The following TRDN variants were observed in gnomAD, a reference collection of about 807,000 sequenced individuals.
The protein encoded by TRDN is triadin in skeletal muscle.
TRDN carries 161 observed loss-of-function variants against 149.7 expected under a neutral mutation model. The observed-to-expected ratio is 1.08, with a 90% CI of 0.95 to 1.23. The LOEUF (loss-of-function observed/expected upper bound fraction) is 1.23, where lower values mean the gene tolerates loss of function less well. Ranked by LOEUF, TRDN falls within the 50% of genes most tolerant of loss-of-function variation. TRDN has a pLI of 0.00. For synonymous variants in TRDN, 294 were observed against 250.5 expected (o/e 1.17, Z -1.64); for missense variants, 896 against 823.5 (o/e 1.09, Z -1.08).
chr6:123,630,684 C>T (rs897803220), intron 1 of TRDN, among the ~76,000 whole-genome samples: 3 of 151,786 alleles, frequency 2.0e-5, no homozygotes, highest in African/African-American at 7.3e-5. Context: ...AAAATAGTTC[C>T]TATTACAAAT....
chr6:123,490,719 AAGAAAG>A (rs1347312993), intron 9 of TRDN, among the ~76,000 whole-genome samples: 1 of 152,208 alleles, frequency 6.6e-6, no homozygotes, highest in Non-Finnish European at 1.5e-5. Context: ...ACAAATGCTA[AAGAAAG>A]AGAAAGGCAG....
At chr6:123,464,503 CA>C in intron 10 of TRDN, 1 of 997,020 alleles carries the variant, frequency 1.0e-6, no homozygotes, top group Non-Finnish European at 1.2e-6. Flanking sequence ...AATAACTTTC[CA>C]AATTTACAAA....
chr6:123,298,317 C>G (rs1190761221), intron 24 of TRDN, among the ~76,000 whole-genome samples: 1 of 151,994 alleles, frequency 6.6e-6, no homozygotes, highest in Non-Finnish European at 1.5e-5. Context: ...ATTGTAGCCT[C>G]AAATATATCA....
chr6:123,588,398 G>A (rs1269343718), intron 1 of TRDN, among the ~76,000 whole-genome samples: 1 of 152,134 alleles, frequency 6.6e-6, no homozygotes, highest in Non-Finnish European at 1.5e-5. Context: ...AATTCCAAAG[G>A]GAAGGAGATA....
At chr6:123,482,331 T>C (rs1017858895) in intron 9 of TRDN, among the ~76,000 whole-genome samples, 6 of 152,216 alleles carry the variant, frequency 3.9e-5, no homozygotes, top group African/African-American at 1.2e-4. Context: ...CTGAAATATT[T>C]TGTAGATAGA....
At chr6:123,583,151 G>C (rs1208044867) in intron 1 of TRDN, among the ~76,000 whole-genome samples, 2 of 152,192 alleles carry the variant, frequency 1.3e-5, no homozygotes, top group African/African-American at 4.8e-5. Flanking sequence ...CAAGAGTTAA[G>C]AGTGGCAGTT....
intron 21 of TRDN, among the ~76,000 whole-genome samples, chr6:123,338,531 C>T (rs906481561): frequency 2.0e-4 from 31 of 152,302 alleles, no homozygotes; most frequent in African/African-American, 7.2e-4. Context: ...CTAACAGCCC[C>T]AGCTGAGCTC....
intron 9 of TRDN, among the ~76,000 whole-genome samples, chr6:123,479,399 TCTA>T (rs1401904633): frequency 6.6e-6 from 1 of 152,190 alleles, no homozygotes; most frequent in African/African-American, 2.4e-5. Flanking sequence ...TTTAAACAGC[TCTA>T]CTAACATATA....
At chr6:123,352,094 G>A in intron 21 of TRDN, 1 of 979,952 alleles carries the variant, frequency 1.0e-6, no homozygotes, top group South Asian at 4.7e-5. Flanking sequence ...TATTTTTGCT[G>A]TTATTTTCTT....
At chr6:123,543,742 A>G (rs1780969848) in intron 4 of TRDN, among the ~76,000 whole-genome samples, 2 of 152,154 alleles carry the variant, frequency 1.3e-5, no homozygotes, top group African/African-American at 4.8e-5. Context: ...TATCCCTTTT[A>G]AAAACTGAGT....
At chr6:123,385,339 AGT>A (rs2114432453) in intron 14 of TRDN, among the ~76,000 whole-genome samples, 1 of 150,862 alleles carries the variant, frequency 6.6e-6, no homozygotes, top group East Asian at 2.0e-4. Context: ...GAGGCAGGAG[AGT>A]GGCATGAACC....
intron 37 of TRDN, among the ~76,000 whole-genome samples, chr6:123,254,751 A>G (rs930816577): frequency 6.6e-6 from 1 of 152,014 alleles, no homozygotes; most frequent in Non-Finnish European, 1.5e-5. Context: ...ATAAAAATAA[A>G]TCCCAGTAAT....
intron 1 of TRDN, among the ~76,000 whole-genome samples, chr6:123,594,622 G>A (rs1198773546): frequency 3.1e-5 from 1 of 32,468 alleles, no homozygotes; most frequent in Admixed American, 4.9e-4. Flanking sequence ...CAAACAGAAT[G>A]AAATTCTGGT....
At chr6:123,405,386 C>T (rs1028084198) in intron 12 of TRDN, among the ~76,000 whole-genome samples, 3 of 152,234 alleles carry the variant, frequency 2.0e-5, no homozygotes, top group African/African-American at 7.2e-5. Context: ...CCATCTCCAT[C>T]ATCTCAAGAT....
At chr6:123,409,116 T>C (rs929168216) in intron 12 of TRDN, among the ~76,000 whole-genome samples, 1 of 152,204 alleles carries the variant, frequency 6.6e-6, no homozygotes, top group Non-Finnish European at 1.5e-5. Flanking sequence ...ATGTTACTCC[T>C]GGAAATGGAA....
At chr6:123,455,807 T>C (rs1776086436) in intron 10 of TRDN, among the ~76,000 whole-genome samples, 1 of 152,214 alleles carries the variant, frequency 6.6e-6, no homozygotes. Context: ...TCTAACAACT[T>C]TTCATTTACA....
chr6:123,464,209 A>T, intron 10 of TRDN: 2 of 934,520 alleles, frequency 2.1e-6, no homozygotes, highest in Non-Finnish European at 2.6e-6. Flanking sequence ...TTTGGGATTT[A>T]ATAAAAGTTT....
At chr6:123,614,658 G>A (rs1488758835) in intron 1 of TRDN, among the ~76,000 whole-genome samples, 1 of 151,552 alleles carries the variant, frequency 6.6e-6, no homozygotes, top group Non-Finnish European at 1.5e-5. Flanking sequence ...ACTCAAAATG[G>A]ATTAAAGACT....
chr6:123,226,019 A>C (rs1228351114), intron 38 of TRDN, among the ~76,000 whole-genome samples: 3 of 151,860 alleles, frequency 2.0e-5, no homozygotes, highest in Non-Finnish European at 4.4e-5. Flanking sequence ...CTAACAGGAA[A>C]GCAATGTGAC....
Sources: allele counts gnomAD v4.1 joint callset (sites outside exome capture counted in the v4.1 genomes callset), GRCh38; gene constraint gnomAD v4.1.1; transcripts MANE v1.5; gene names NCBI Gene and HGNC (gene_info 2026-07-23, HGNC 2026-07-21).